P2RY8: variants seen among roughly 807,000 people sequenced by gnomAD.
P2RY8 encodes the protein P2Y receptor family member 8.
A neutral mutation model predicts 10.0 loss-of-function variants in P2RY8; 6 were observed. That is an observed-to-expected ratio of 0.60 (90% CI 0.33 to 1.19). The LOEUF (loss-of-function observed/expected upper bound fraction) is 1.19. Ranked by LOEUF, P2RY8 falls within the 50% of genes most tolerant of loss-of-function variation. The pLI, the probability that P2RY8 is intolerant of heterozygous loss-of-function variation, is 0.04. For missense variants in P2RY8, 456 were observed against 542.0 expected (o/e 0.84, Z 1.58); for synonymous variants, 276 against 252.5 (o/e 1.09, Z -0.88).
At chrX:1,490,543 C>T (rs60888752) in intron 1 of P2RY8, among the ~76,000 whole-genome samples, 14 of 143,818 alleles carry the variant, frequency 9.7e-5, no homozygotes, top group South Asian at 2.3e-4. Flanking sequence ...AATGATACCC[C>T]GGATTCACTT....
chrX:1,509,988 CTATG>C (rs1226656688), intron 1 of P2RY8, among the ~76,000 whole-genome samples: 2 of 139,838 alleles, frequency 1.4e-5, no homozygotes, highest in African/African-American at 5.3e-5. Flanking sequence ...CATCCATCAT[CTATG>C]TATCTATGTA....
chrX:1,511,407 T>C (rs1414047860), intron 1 of P2RY8, among the ~76,000 whole-genome samples: 1 of 152,168 alleles, frequency 6.6e-6, no homozygotes, highest in African/African-American at 2.4e-5. Context: ...TAAATTCCCA[T>C]CTCTGTCTTT....
chrX:1,487,331 G>A lies in P2RY8; in HGVS notation c.-24-20749C>T, dbSNP rs146211596. 3.8e-3 allele frequency among the ~76,000 whole-genome samples: 571 copies of A among 152,260 alleles called. 2 individuals carry two copies. Among genetic ancestry groups the A allele is most frequent in the African/African-American group, 0.012 (518 of 41,560 alleles). On this transcript the variant is annotated intron_variant, in intron 1 of 1. Transcript: ENST00000381297. Reference sequence around the variant, plus strand: ...TGTGCTTGAGTCCTCAGGTGACATCGCCTGTTCTTAGAGCAGACGTCACAT... The same window carrying A: ...TGTGCTTGAGTCCTCAGGTGACATCACCTGTTCTTAGAGCAGACGTCACAT...
intron 1 of P2RY8, among the ~76,000 whole-genome samples, chrX:1,510,371 C>A (rs1241937904): frequency 6.6e-6 from 1 of 152,148 alleles, no homozygotes; most frequent in Non-Finnish European, 1.5e-5. Flanking sequence ...GCTGAACGAG[C>A]CCTGGCTTGG....
chrX:1,524,785 T>C (rs867830919), intron 1 of P2RY8, among the ~76,000 whole-genome samples: 82 of 38,248 alleles, frequency 2.1e-3, no homozygotes, highest in African/African-American at 3.3e-3. Context: ...ATCCATCCAC[T>C]CATCCATTCA....
chrX:1,516,252 G>A (rs138556927), intron 1 of P2RY8, among the ~76,000 whole-genome samples: 2,837 of 146,720 alleles, frequency 0.019, 84 homozygotes, highest in African/African-American at 0.067. Flanking sequence ...GAGCATCCAC[G>A]TACTCCCTCC....
chrX:1,515,515 G>C (rs2092339903), intron 1 of P2RY8, among the ~76,000 whole-genome samples: 1 of 151,330 alleles, frequency 6.6e-6, no homozygotes, highest in African/African-American at 2.4e-5. Context: ...GGGACTACAG[G>C]TGCCCGCCAT....
rs2092459469 is a variant in P2RY8, at chrX:1,529,530, G to A, written c.-25+7391C>T. ...GTACTCCTGGGGCGTGGTGGGTGGA[G>A]CCTGGGAAGATGCTCAGTGCCCTGC... On this transcript the variant is annotated intron_variant, in intron 1 of 1. Transcript: ENST00000381297. Among the ~76,000 whole-genome samples the A allele has an allele frequency of 3.3e-5, 5 of 151,850 alleles. No homozygotes were observed. In the South Asian group the frequency reaches 1.0e-3, roughly 32 times the overall value.
intron 1 of P2RY8, among the ~76,000 whole-genome samples, chrX:1,473,455 G>C (rs1210788013): frequency 6.8e-6 from 1 of 147,466 alleles, no homozygotes; most frequent in Non-Finnish European, 1.5e-5. Context: ...ATGAGTTGAT[G>C]GGTAGATGGA....
At chrX:1,499,639 C>T (rs1458659588) in intron 1 of P2RY8, among the ~76,000 whole-genome samples, 1 of 151,248 alleles carries the variant, frequency 6.6e-6, no homozygotes, top group Non-Finnish European at 1.5e-5. Context: ...TTAGGTGAAA[C>T]GTATTAATAA....
At position 1,530,997 on chromosome X, in the gene P2RY8, T is replaced by C. The variant is rs148120509; in HGVS notation, c.-25+5924A>G. Among the ~76,000 whole-genome samples, 329 of 152,042 alleles carry C rather than the reference T, an allele frequency of 2.2e-3. 2 individuals are homozygous for C. The highest frequency in any genetic ancestry group is 7.6e-3 in the African/African-American group (314 of 41,430). On this transcript the variant is annotated intron_variant, in intron 1 of 1. Coordinates refer to ENST00000381297, the MANE Select transcript of P2RY8 (RefSeq NM_178129.5). ...TATGTATGTATGTACCTATCTAATT[T>C]ATGTATGTATGTATATATCTATCTA...
chrX:1,533,796 A>G (rs1216589630), intron 1 of P2RY8, among the ~76,000 whole-genome samples: 2 of 121,648 alleles, frequency 1.6e-5, no homozygotes, highest in African/African-American at 6.7e-5. Flanking sequence ...AATATACTAT[A>G]TATTCATATA....
At chrX:1,509,283 A>T (rs1294061889) in intron 1 of P2RY8, among the ~76,000 whole-genome samples, 1 of 147,716 alleles carries the variant, frequency 6.8e-6, no homozygotes, top group Non-Finnish European at 1.5e-5. Flanking sequence ...TCTATCCATC[A>T]TCTATGTATC....
intron 1 of P2RY8, among the ~76,000 whole-genome samples, chrX:1,477,289 C>T (rs1395888534): frequency 4.2e-5 from 3 of 70,884 alleles, no homozygotes; most frequent in African/African-American, 1.7e-4. Context: ...CATCTATCAT[C>T]TATCTATATC....
At chrX:1,532,525 T>A (rs2092486829) in intron 1 of P2RY8, among the ~76,000 whole-genome samples, 1 of 149,672 alleles carries the variant, frequency 6.7e-6, no homozygotes, top group Non-Finnish European at 1.5e-5. Context: ...ATATGATGTG[T>A]ATATATATAT....
chrX:1,506,967 C>T (rs752078152), intron 1 of P2RY8, among the ~76,000 whole-genome samples: 15 of 54,288 alleles, frequency 2.8e-4, no homozygotes, highest in Middle Eastern at 0.026. Flanking sequence ...TGAGCCACCG[C>T]GCCCGGCCAC....
intron 1 of P2RY8, among the ~76,000 whole-genome samples, chrX:1,530,154 TATG>T (rs202181339): frequency 0.12 from 495 of 4,292 alleles, 5 homozygotes; most frequent in East Asian, 0.28. Context: ...TGTATGTATG[TATG>T]ATCTATCTAT....
intron 1 of P2RY8, among the ~76,000 whole-genome samples, chrX:1,532,435 ATGTATATATGTATATG>A (rs1475877036): frequency 2.2e-5 from 3 of 136,058 alleles, no homozygotes; most frequent in South Asian, 2.5e-4. Flanking sequence ...ATACACATAT[ATGTATATATGTATATG>A]TGTATATATA....
intron 1 of P2RY8, among the ~76,000 whole-genome samples, chrX:1,531,091 T>TATC (rs1414683172): frequency 6.6e-6 from 1 of 152,066 alleles, no homozygotes; most frequent in East Asian, 1.9e-4. Context: ...TCTATCTATC[T>TATC]ATCTATCTAA....
Sources: gnomAD v4.1 joint callset for allele counts (sites outside exome capture counted in the v4.1 genomes callset) on GRCh38, gnomAD v4.1.1 for gene constraint, MANE v1.5 for transcripts, NCBI Gene and HGNC (gene_info 2026-07-23, HGNC 2026-07-21) for gene names.